The following NPAS2 variants were observed in gnomAD, a reference collection of about 807,000 sequenced individuals.
NPAS2 encodes neuronal PAS domain protein 2.
Under a neutral mutation model 107.5 loss-of-function variants are expected in NPAS2, and 23 were observed. The ratio of observed to expected loss-of-function variants is 0.21; its 90% CI spans 0.15 to 0.30. The LOEUF (loss-of-function observed/expected upper bound fraction) is 0.30. NPAS2 is among the 10% of genes least tolerant of loss of function. The pLI, the probability that NPAS2 is intolerant of heterozygous loss-of-function variation, is 1.00. For missense variants in NPAS2, 756 were observed against 1,043.3 expected (o/e 0.72, Z 3.79); for synonymous variants, 403 against 417.5 (o/e 0.97, Z 0.42).
intron 16 of NPAS2, chr2:100,987,335 C>T (rs1014894583): frequency 1.3e-5 from 2 of 152,250 alleles, no homozygotes; most frequent in African/African-American, 4.8e-5. Flanking sequence ...ATTAAAACCA[C>T]CAAGCTAATA....
chr2:100,849,049 A>T (rs1369588811), intron 1 of NPAS2, among the ~76,000 whole-genome samples: 1 of 152,186 alleles, frequency 6.6e-6, no homozygotes, highest in Non-Finnish European at 1.5e-5. Flanking sequence ...GCACACTTAA[A>T]TCTACGTGTA....
At chr2:100,845,024 G>A (rs1677686320) in intron 1 of NPAS2, among the ~76,000 whole-genome samples, 1 of 152,134 alleles carries the variant, frequency 6.6e-6, no homozygotes, top group Non-Finnish European at 1.5e-5. Flanking sequence ...GCAGGGGGTG[G>A]GAAAGCCTCA....
chr2:100,904,379 T>A (rs549440075), intron 1 of NPAS2, among the ~76,000 whole-genome samples: 2 of 152,370 alleles, frequency 1.3e-5, no homozygotes, highest in Admixed American at 1.3e-4. Context: ...TTTTTCAAAA[T>A]ATAATTAACT....
intron 1 of NPAS2, among the ~76,000 whole-genome samples, chr2:100,826,546 C>A (rs989259100): frequency 6.6e-6 from 1 of 152,072 alleles, no homozygotes; most frequent in African/African-American, 2.4e-5. Context: ...ATACCTTTTT[C>A]TTTATTTTTA....
intron 15 of NPAS2, among the ~76,000 whole-genome samples, chr2:100,980,040 G>A (rs1444072257): frequency 1.3e-5 from 2 of 152,198 alleles, no homozygotes; most frequent in Non-Finnish European, 2.9e-5. Context: ...TTCCAAAAAA[G>A]CCTCTTTCTT....
intron 7 of NPAS2, among the ~76,000 whole-genome samples, chr2:100,951,141 G>T (rs886123735): frequency 2.0e-5 from 3 of 152,156 alleles, no homozygotes; most frequent in African/African-American, 7.2e-5. Flanking sequence ...GGTTCCAGGG[G>T]CTGTGGACTT....
chr2:100,961,944 G>T (rs1371121619), intron 7 of NPAS2, among the ~76,000 whole-genome samples: 1 of 152,154 alleles, frequency 6.6e-6, no homozygotes, highest in East Asian at 1.9e-4. Context: ...TCATTATCTG[G>T]CTGGGTAATA....
At chr2:100,898,662 A>G (rs963920918) in intron 1 of NPAS2, among the ~76,000 whole-genome samples, 10 of 152,200 alleles carry the variant, frequency 6.6e-5, no homozygotes, top group African/African-American at 2.2e-4. Flanking sequence ...CAATGGCTCC[A>G]ATTGTTAATC....
At chr2:100,871,567 G>A (rs1389203355) in intron 1 of NPAS2, among the ~76,000 whole-genome samples, 1 of 152,084 alleles carries the variant, frequency 6.6e-6, no homozygotes, top group South Asian at 2.1e-4. Context: ...CTGGCCTCAA[G>A]TGATCTGCCC....
chr2:100,958,530 G>C (rs1174610562), intron 7 of NPAS2, among the ~76,000 whole-genome samples: 1 of 152,208 alleles, frequency 6.6e-6, no homozygotes, highest in Non-Finnish European at 1.5e-5. Flanking sequence ...CCCTGCAGGG[G>C]TCAGTGCTGC....
chr2:100,966,981 A>G (rs1306934273), intron 10 of NPAS2, among the ~76,000 whole-genome samples: 1 of 152,176 alleles, frequency 6.6e-6, no homozygotes, highest in Non-Finnish European at 1.5e-5. Context: ...GCTAATCATT[A>G]AAACTGTAAC....
At chr2:100,922,534 G>C (rs931560615) in intron 2 of NPAS2, among the ~76,000 whole-genome samples, 4 of 152,202 alleles carry the variant, frequency 2.6e-5, no homozygotes, top group Admixed American at 1.3e-4. Flanking sequence ...AGTGAGCTGA[G>C]ATCGCGTCAC....
intron 1 of NPAS2, among the ~76,000 whole-genome samples, chr2:100,831,090 A>T (rs1676703467): frequency 6.6e-6 from 1 of 152,154 alleles, no homozygotes; most frequent in Non-Finnish European, 1.5e-5. Flanking sequence ...ACCTGAGGTC[A>T]GGAGTTCAAG....
chr2:100,877,420 G>T (rs938687183), intron 1 of NPAS2, among the ~76,000 whole-genome samples: 1 of 124,488 alleles, frequency 8.0e-6, no homozygotes, highest in African/African-American at 3.6e-5. Flanking sequence ...AGCCGAGATC[G>T]CGCCACTAGA....
chr2:100,883,848 G>A (rs1348876563), intron 1 of NPAS2, among the ~76,000 whole-genome samples: 1 of 152,140 alleles, frequency 6.6e-6, no homozygotes, highest in African/African-American at 2.4e-5. Flanking sequence ...CACCTACCTG[G>A]TCAGTGATGG....
chr2:100,977,214 AG>A (rs1050334958), intron 14 of NPAS2: 1 of 169,178 alleles, frequency 5.9e-6, no homozygotes, highest in African/African-American at 2.4e-5. Flanking sequence ...AAACTGCCCC[AG>A]TCCTCACTGC....
chr2:100,891,157 G>T (rs1406201508), intron 1 of NPAS2, among the ~76,000 whole-genome samples: 1 of 151,898 alleles, frequency 6.6e-6, no homozygotes, highest in Non-Finnish European at 1.5e-5. Flanking sequence ...GCGTGAACCC[G>T]GGGGGTGGAG....
At chr2:100,884,281 G>A (rs905280829) in intron 1 of NPAS2, among the ~76,000 whole-genome samples, 2 of 151,898 alleles carry the variant, frequency 1.3e-5, no homozygotes, top group Non-Finnish European at 2.9e-5. Context: ...ATCTCCTCCC[G>A]TTGACCATAT....
intron 5 of NPAS2, among the ~76,000 whole-genome samples, chr2:100,945,774 C>G (rs1373717073): frequency 6.6e-6 from 1 of 152,232 alleles, no homozygotes; most frequent in Non-Finnish European, 1.5e-5. Flanking sequence ...CAGACACTGT[C>G]TTGTCCCCTG....
Sources: gnomAD v4.1 joint callset for allele counts (sites outside exome capture counted in the v4.1 genomes callset) on GRCh38, gnomAD v4.1.1 for gene constraint, MANE v1.5 for transcripts, NCBI Gene and HGNC (gene_info 2026-07-23, HGNC 2026-07-21) for gene names.